The following PCDHGB6 variants were observed in gnomAD, a reference collection of about 807,000 sequenced individuals.
PCDHGB6 encodes protocadherin gamma-B6.
Under a neutral mutation model 59.1 loss-of-function variants are expected in PCDHGB6, and 51 were observed. That is an observed-to-expected ratio of 0.86 (90% confidence interval 0.69 to 1.09). The LOEUF is 1.09. Ranked by LOEUF, PCDHGB6 falls within the 50% of genes least tolerant of loss-of-function variation. The probability of loss-of-function intolerance (pLI) is 0.00; values close to 1 mark genes in which losing one functional copy is unlikely to be tolerated. For synonymous variants in PCDHGB6, 466 were observed against 495.1 expected (o/e 0.94, Z 0.78); for missense variants, 1,148 against 1,205.1 (o/e 0.95, Z 0.70).
chr5:141,419,006 A>G (rs2096312225), intron 1 of PCDHGB6: 1 of 1,614,006 alleles, frequency 6.2e-7, no homozygotes. Context: ...TGGGGAAGTC[A>G]GGTGTAGCTT....
chr5:141,429,390 A>ATT (rs1561841316), intron 1 of PCDHGB6, among the ~76,000 whole-genome samples: 8 of 150,216 alleles, frequency 5.3e-5, no homozygotes, highest in African/African-American at 1.7e-4. Flanking sequence ...TTTTTTTTAA[A>ATT]AAAAATTGAG....
rs779656906 is a variant in PCDHGB6 at position 141,476,872 on chromosome 5, C to T, written c.2419-17935C>T. On this transcript the variant is annotated intron_variant, in intron 1 of 3. Transcript: ENST00000520790. The surrounding 1 kb of genome is among the most constrained non-coding windows in gnomAD (Gnocchi z 7.6). ...TCAACCAGTCCTTGTACCGGGCGCG[C>T]GTCCTGGAGGATGCACCCTCCGGCA... 1.6e-4 allele frequency: 254 copies of T among 1,613,734 alleles called. No individual in the cohort carries two copies. The highest frequency in any genetic ancestry group is 2.1e-4 in the Non-Finnish European group (248 of 1,180,054).
chr5:141,423,170 A>G, intron 1 of PCDHGB6: 8 of 1,613,504 alleles, frequency 5.0e-6, no homozygotes, highest in Non-Finnish European at 6.8e-6. Context: ...GTGGCCGTCC[A>G]GGACCACGGC....
At chr5:141,498,796 G>C (rs1160540093) in intron 2 of PCDHGB6, among the ~76,000 whole-genome samples, 1 of 152,032 alleles carries the variant, frequency 6.6e-6, no homozygotes, top group African/African-American at 2.4e-5. Context: ...AGCCAGGTGT[G>C]GTGGTGCACA....
chr5:141,466,822 G>A (rs1396286898), intron 1 of PCDHGB6, among the ~76,000 whole-genome samples: 4 of 152,046 alleles, frequency 2.6e-5, no homozygotes. Flanking sequence ...GGTATAACAA[G>A]TTAGTATGGG....
intron 1 of PCDHGB6, among the ~76,000 whole-genome samples, chr5:141,447,063 G>C (rs762309557): frequency 6.6e-6 from 1 of 152,028 alleles, no homozygotes; most frequent in South Asian, 2.1e-4. Context: ...AATGTGTCAG[G>C]CTGTTTTAAT....
chr5:141,500,294 C>T (rs755761935), intron 2 of PCDHGB6, among the ~76,000 whole-genome samples: 3 of 151,732 alleles, frequency 2.0e-5, no homozygotes, highest in Non-Finnish European at 2.9e-5. Flanking sequence ...CTGCAAGCTC[C>T]GCCTCCCAGG....
chr5:141,431,876 GA>G lies in PCDHGB6; in HGVS notation c.2418+21257del. 6.2e-7 allele frequency: 1 copy of G among 1,614,188 alleles called. No individual in the cohort carries two copies. Among genetic ancestry groups the G allele is most frequent in the Non-Finnish European group, 8.5e-7 (1 of 1,180,008 alleles). On this transcript the variant is annotated intron_variant, in intron 1 of 3. Transcript: ENST00000520790. The surrounding 1 kb of genome is among the most constrained non-coding windows in gnomAD (Gnocchi z 4.8). ...ATTAATTGCCCTTTTAAATGTAAATGACCAAGATTCTGAGGAAAACGGACAG... is the reference window on the plus strand; with the variant it reads ...ATTAATTGCCCTTTTAAATGTAAATGCCAAGATTCTGAGGAAAACGGACAG...
intron 1 of PCDHGB6, among the ~76,000 whole-genome samples, chr5:141,483,997 T>G (rs2099590025): frequency 8.6e-5 from 6 of 69,516 alleles, no homozygotes; most frequent in East Asian, 4.4e-4. Context: ...TGCTGGGAGG[T>G]CTGGATGAGG....
intron 1 of PCDHGB6, chr5:141,468,629 G>A (rs1170355107): frequency 1.3e-5 from 2 of 152,140 alleles, no homozygotes; most frequent in African/African-American, 4.8e-5. Flanking sequence ...CACTTTGGGA[G>A]GCCGAGGTGG....
intron 1 of PCDHGB6, among the ~76,000 whole-genome samples, chr5:141,461,756 C>T (rs887460069): frequency 6.6e-6 from 1 of 151,832 alleles, no homozygotes; most frequent in Non-Finnish European, 1.5e-5. Flanking sequence ...CAGATTCAAG[C>T]GATTCTCCTG....
chr5:141,415,102 A>C, intron 1 of PCDHGB6: 1 of 1,613,550 alleles, frequency 6.2e-7, no homozygotes. Flanking sequence ...AGACGCGCTC[A>C]AGCAAAGCCT....
intron 1 of PCDHGB6, among the ~76,000 whole-genome samples, chr5:141,492,080 G>A (rs576661909): frequency 6.6e-6 from 1 of 152,352 alleles, no homozygotes; most frequent in African/African-American, 2.4e-5. Context: ...GCCGGCTCCG[G>A]CACGCTTCGC....
In PCDHGB6 at chr5:141,485,848, C is replaced by T; in HGVS notation, c.2419-8959C>T. On this transcript the variant is annotated intron_variant, in intron 1 of 3. Coordinates refer to ENST00000520790, the MANE Select transcript of PCDHGB6 (RefSeq NM_018926.3). This position sits in a 1 kb window ranked among gnomAD's most constrained non-coding sequence, Gnocchi z 5.7. ...GAGGGAACCCGCCGAGATCTGGCAC[C>T]GCAGAGCTCCGGGTATCCGTGCTGG... The T allele has an allele frequency of 1.2e-6, 2 of 1,614,194 alleles. No homozygotes were observed. Among genetic ancestry groups the T allele is most frequent in the South Asian group, 2.2e-5 (2 of 91,080 alleles).
At chr5:141,433,246 T>C (rs775015156) in intron 1 of PCDHGB6, 1 of 1,462,358 alleles carries the variant, frequency 6.8e-7, no homozygotes, top group Non-Finnish European at 9.3e-7. Flanking sequence ...CAAGCTGGAA[T>C]GCAGCGGTAC....
chr5:141,464,530 T>C (rs375523203), intron 1 of PCDHGB6, among the ~76,000 whole-genome samples: 1 of 152,108 alleles, frequency 6.6e-6, no homozygotes, highest in African/African-American at 2.4e-5. Flanking sequence ...TATGTAGTTT[T>C]GTTAAATATA....
At position 141,414,031 on chromosome 5, in the gene PCDHGB6, C is replaced by G. The variant is rs900884760; in HGVS notation, c.2418+3411C>G. The G allele has an allele frequency of 1.2e-6, 2 of 1,611,740 alleles. No homozygotes were observed. The highest frequency in any genetic ancestry group is 2.7e-5 in the African/African-American group (2 of 74,762). On this transcript the variant is annotated intron_variant, in intron 1 of 3. Coordinates refer to ENST00000520790, the MANE Select transcript of PCDHGB6 (RefSeq NM_018926.3). ...CAATGGAGAAGTGACATATTCATTC[C>G]GAAAATTACCTGACACGCAATTGTT... is the stretch of plus-strand genomic sequence containing the variant.
chr5:141,411,544 AC>A (rs2095497010), intron 1 of PCDHGB6: 1 of 152,298 alleles, frequency 6.6e-6, no homozygotes. Context: ...TGATCTTGCC[AC>A]TGCACTCCAG....
intron 1 of PCDHGB6, among the ~76,000 whole-genome samples, chr5:141,457,827 C>T (rs1300495115): frequency 2.0e-5 from 3 of 152,204 alleles, no homozygotes; most frequent in Admixed American, 6.5e-5. Context: ...AAACTCAGAG[C>T]TTCCAGACCT....
Sources: allele counts gnomAD v4.1 joint callset (sites outside exome capture counted in the v4.1 genomes callset), GRCh38; gene constraint gnomAD v4.1.1; non-coding constraint Gnocchi (gnomAD v3.1); transcripts MANE v1.5; gene names NCBI Gene and HGNC (gene_info 2026-07-23, HGNC 2026-07-21).